Variants in TRIM21 observed in about 807,000 individuals in gnomAD.
TRIM21 encodes tripartite motif containing 21.
Under a neutral mutation model 36.1 loss-of-function variants are expected in TRIM21, and 35 were observed. The observed-to-expected ratio is 0.97, with a 90% confidence interval of 0.74 to 1.28. TRIM21 has a LOEUF of 1.28. Ranked by LOEUF, TRIM21 falls within the 50% of genes most tolerant of loss-of-function variation. The pLI, the probability that TRIM21 is intolerant of heterozygous loss-of-function variation, is 0.00. For missense variants in TRIM21, 635 were observed against 570.7 expected, an observed-to-expected ratio of 1.11 and a Z score of -1.15; for synonymous variants, 256 against 211.5, an observed-to-expected ratio of 1.21 and a Z score of -1.83.
rs370592392 is a variant in TRIM21 at position 4,385,797 on chromosome 11, G to A, written c.916C>T (p.Arg306Trp). 7.1e-5 allele frequency: 115 copies of A among 1,613,278 alleles called. No homozygotes were observed. Among genetic ancestry groups the A allele is most frequent in the Middle Eastern group, 4.9e-4 (3 of 6,084 alleles). The change falls in exon 7 of 7, where the codon CGG becomes TGG. Residue 306 changes from arginine to tryptophan, a missense_variant. Arg to Trp is a moderately radical substitution (Grantham distance 101, BLOSUM62 -3). Coordinates refer to ENST00000254436, the MANE Select transcript of TRIM21 (RefSeq NM_003141.4). ...GTGTCTCCAAGCCTCACTTGTCTCC[G>A]ATCTTCTGAAAGTATCAGCCACGGA... ...ANPWLILSEDRRQVRLGDTQQ... is the reference protein window; with the variant it reads ...ANPWLILSEDWRQVRLGDTQQ...
Position 4,385,510 on chromosome 11 carries a change from C to G in TRIM21, c.1203G>C (p.Gln401His). 1 of 1,611,892 alleles carries G rather than the reference C, an allele frequency of 6.2e-7. No homozygotes were observed. The highest frequency in any genetic ancestry group is 8.5e-7 in the Non-Finnish European group (1 of 1,178,944). Residue 401 changes from glutamine (Q) to histidine (H), a missense_variant, in exon 7 of 7, where the codon CAG (glutamine) becomes CAC (histidine). Gln to His is a conservative substitution (Grantham distance 24). Coordinates refer to ENST00000254436, the MANE Select transcript of TRIM21 (RefSeq NM_003141.4). Reference sequence around the variant, plus strand: ...AAATCCCAACTTGGCATGGAGGCACCTGAAGGTGGAGGGGAGTCTGGGGGT... The same window carrying G: ...AAATCCCAACTTGGCATGGAGGCACGTGAAGGTGGAGGGGAGTCTGGGGGT... ...GTYPQTPLHL[Q>H]VPPCQVGIFL...
rs755279386 is a variant in TRIM21 at position 4,385,761 on chromosome 11, T to C, written c.952A>G (p.Ile318Val). 1 of 1,613,626 alleles carries C rather than the reference T, an allele frequency of 6.2e-7. No homozygotes were observed. The highest frequency in any genetic ancestry group is 1.7e-5 in the Admixed American group (1 of 59,974). Residue 318 changes from isoleucine to valine, a missense_variant, in exon 7 of 7, where the codon ATA (isoleucine) becomes GTA (valine). Transcript: ENST00000254436. ...QVRLGDTQQS[I>V]PGNEERFDSY... ...TCAAATCTCTCTTCATTTCCAGGTA[T>C]GCTCTGCTGGGTGTCTCCAAGCCTC... is the stretch of plus-strand genomic sequence containing the variant.
chr11:4,389,588 G>C, intron 3 of TRIM21, 66 bp downstream of exon 3: 1 of 1,350,264 alleles, frequency 7.4e-7, no homozygotes, highest in Admixed American at 1.7e-5. Context: ...TTAAGGCTGT[G>C]AGTTGAGGAC....
chr11:4,388,477 T>G lies in TRIM21; in HGVS notation c.558A>C (p.Lys186Asn). The G allele has an allele frequency of 2.5e-6, 4 of 1,613,250 alleles. No homozygotes were observed. Among genetic ancestry groups the G allele is most frequent in the Non-Finnish European group, 2.5e-6 (3 of 1,179,888 alleles). The change falls in exon 4 of 7, where the codon AAA (lysine) becomes AAC (asparagine). Residue 186 changes from lysine to asparagine, a missense_variant. Lys to Asn is a moderately conservative substitution (Grantham distance 94). Coordinates refer to ENST00000254436, the MANE Select transcript of TRIM21 (RefSeq NM_003141.4). ...TCTGTTCTTCTTCAACCAGGAAGTT[T>G]TTTTGCTGCACAAACTCTGCGTGAA... ...SRIHAEFVQQ[K>N]NFLVEEEQRQ...
chr11:4,389,535 A>T, intron 3 of TRIM21, 119 bp downstream of exon 3: 1 of 854,914 alleles, frequency 1.2e-6, no homozygotes, highest in Non-Finnish European at 2.0e-6. Flanking sequence ...CTGGAGAGTG[A>T]GACGGACCAA....
chr11:4,390,050 G>T lies in TRIM21; in HGVS notation c.360C>A (p.His120Gln). 6.2e-7 allele frequency: 1 copy of T among 1,613,974 alleles called. No homozygotes were observed. The highest frequency in any genetic ancestry group is 1.6e-4 in the Middle Eastern group (1 of 6,062). Residue 120 changes from histidine to glutamine, a missense_variant, in exon 2 of 7, where the codon CAC (histidine) becomes CAA (glutamine). His to Gln is a conservative substitution (Grantham distance 24). Transcript: ENST00000254436. The stretch of plus-strand genomic sequence containing the variant: ...CAAGAGGGACCATGGCGTGGTCACG[G>T]TGTTTCCGAGACTGGGCACATACCC... ...LCWVCAQSRK[H>Q]RDHAMVPLEE...
At chr11:4,388,274 T>C (rs1459293980) in intron 4 of TRIM21, 26 bp downstream of exon 4, 5 of 1,582,162 alleles carry the variant, frequency 3.2e-6, no homozygotes, top group South Asian at 1.1e-5. Context: ...CCCTGAATTG[T>C]AGAAGGAAAC....
At position 4,390,394 on chromosome 11, in the gene TRIM21, G is replaced by T. The variant is rs775371395; in HGVS notation, c.16C>A (p.Arg6Ser). The change falls in exon 2 of 7, where the codon CGC becomes AGC. Residue 6 changes from arginine to serine, a missense_variant. Arg to Ser is a moderately radical substitution (Grantham distance 110). Coordinates refer to ENST00000254436, the MANE Select transcript of TRIM21 (RefSeq NM_003141.4). MASAA[R>S]LTMMWEEVTC... ...ACCTCCTCCCACATCATTGTCAAGC[G>T]TGCTGCTGAAGCCATTGTCAAGTGT... The T allele has an allele frequency of 6.2e-7, 1 of 1,608,398 alleles. No homozygotes were observed. The highest frequency in any genetic ancestry group is 1.1e-5 in the South Asian group (1 of 90,888).
rs186517565 is a variant in TRIM21 at position 4,388,672 on chromosome 11, C to T, written c.505-142G>A. 2,675 of 757,164 alleles carry T rather than the reference C, an allele frequency of 3.5e-3. 44 individuals carry two copies. In the African/African-American group the frequency reaches 0.04, roughly 11 times the overall value. 46.9% of individuals were successfully genotyped at this position (757,164 alleles called of 1,614,324 possible). A position where few individuals can be genotyped will look rare whatever the true frequency, so the allele number is the denominator to read the frequency against. Reference sequence around the variant, plus strand: ...AAACACACACACATGCACACGCACACGCGCGCACACACACACACACACAAT... The same window carrying T: ...AAACACACACACATGCACACGCACATGCGCGCACACACACACACACACAAT... On this transcript the variant is annotated intron_variant, in intron 3 of 6. Transcript: ENST00000254436.
intron 2 of TRIM21, 82 bp from the exon 3 acceptor site, chr11:4,389,831 T>C: frequency 1.3e-6 from 2 of 1,495,142 alleles, no homozygotes; most frequent in Non-Finnish European, 1.9e-6. Flanking sequence ...TTCTCATGCA[T>C]ATCTCCTACG....
At chr11:4,391,119 T>C (rs575786490) in intron 1 of TRIM21, among the ~76,000 whole-genome samples, 1 of 152,106 alleles carries the variant, frequency 6.6e-6, no homozygotes, top group South Asian at 2.1e-4. Context: ...AAAGAAACAA[T>C]CCACAAAGTG....
At chr11:4,393,587 TC>T (rs1293259755) in intron 1 of TRIM21, 45 bp downstream of exon 1, 2 of 151,766 alleles carry the variant, frequency 1.3e-5, no homozygotes, top group African/African-American at 4.9e-5. Flanking sequence ...GGGAGAGAGG[TC>T]CCCTAGGAGG....
At chr11:4,389,566 G>T in intron 3 of TRIM21, 88 bp downstream of exon 3, 1 of 1,106,080 alleles carries the variant, frequency 9.0e-7, no homozygotes, top group South Asian at 1.2e-5. Flanking sequence ...GCTCAGAGAG[G>T]CACAGCTACG....
rs778014098 is a variant in TRIM21, at chr11:4,390,037, TGG to T, written c.371_372del (p.Ala124AspfsTer5). On this transcript the variant is annotated frameshift_variant, in exon 2 of 7. Transcript: ENST00000254436. LOFTEE classifies it high-confidence loss of function. The part of the protein sequence containing the change: ...CAQSRKHRDH[A>X]MVPLEEAAQE... ...TGTGCAGCCTCCTCAAGAGGGACCA[TGG>T]CGTGGTCACGGTGTTTCCGAGACTG... 1.1e-5 allele frequency: 17 copies of T among 1,613,862 alleles called. No homozygotes were observed. The highest frequency in any genetic ancestry group is 3.3e-5 in the Admixed American group (2 of 59,998).
At chr11:4,386,931 G>C (rs747249462) in intron 5 of TRIM21, 37 bp downstream of exon 5, 3 of 1,570,608 alleles carry the variant, frequency 1.9e-6, no homozygotes, top group South Asian at 1.2e-5. Flanking sequence ...TATGCTTTCT[G>C]CTGGCCCCTC....
At position 4,385,441 on chromosome 11, in the gene TRIM21, A is replaced by G; in HGVS notation, c.1272T>C (p.Thr424=). The change falls in exon 7 of 7, where the codon ACT becomes ACC. Residue 424 remains threonine, a synonymous_variant. Transcript: ENST00000254436. The part of the protein sequence containing the change: ...EAGMVSFYNI[T]DHGSLIYSFS... ...AGGAGTAGATGAGGGAGCCATGGTC[A>G]GTGATGTTGTAGAAGGAGACCATGC... is the stretch of plus-strand genomic sequence containing the variant. The G allele has an allele frequency of 6.2e-7, 1 of 1,613,548 alleles. No individual in the cohort carries two copies. Among genetic ancestry groups the G allele is most frequent in the Non-Finnish European group, 8.5e-7 (1 of 1,179,722 alleles).
At chr11:4,391,666 A>T (rs1190327454) in intron 1 of TRIM21, among the ~76,000 whole-genome samples, 1 of 152,232 alleles carries the variant, frequency 6.6e-6, no homozygotes, top group Non-Finnish European at 1.5e-5. Context: ...CAAGATTTGG[A>T]AGCAATCTAA....
intron 1 of TRIM21, among the ~76,000 whole-genome samples, chr11:4,393,326 G>A (rs923700453): frequency 2.6e-5 from 4 of 151,958 alleles, no homozygotes; most frequent in African/African-American, 4.8e-5. Flanking sequence ...GGGGGCAGCC[G>A]GGCCCCTTCC....
Position 4,387,118 on chromosome 11 carries a change from C to T in TRIM21, c.736-128G>A. The T allele has an allele frequency of 5.5e-6, 5 of 914,466 alleles. No individual in the cohort carries two copies. In the South Asian group the frequency reaches 8.0e-5, roughly 15 times the overall value. The allele number at this position is 914,466 out of a possible 1,614,324, so 56.6% of individuals were successfully genotyped here. On this transcript the variant is annotated intron_variant, in intron 4 of 6. Transcript: ENST00000254436. ...TTCCTCTCCTTCCTCTGGTCCTAGGCCCCAGAGATGATTCTGACCAGCTCA... is the reference window on the plus strand; with the variant it reads ...TTCCTCTCCTTCCTCTGGTCCTAGGTCCCAGAGATGATTCTGACCAGCTCA...
Sources: allele counts gnomAD v4.1 joint callset (sites outside exome capture counted in the v4.1 genomes callset), GRCh38; gene constraint gnomAD v4.1.1; transcripts MANE v1.5; gene names NCBI Gene and HGNC (gene_info 2026-07-23, HGNC 2026-07-21).